Variants in CCDC93 observed in about 807,000 individuals in gnomAD.
CCDC93 encodes CCC complex scaffolding subunit CCDC93.
A neutral mutation model predicts 108.2 loss-of-function variants in CCDC93; 61 were observed. The ratio of observed to expected loss-of-function variants is 0.56; its 90% CI spans 0.46 to 0.70. CCDC93 has a LOEUF of 0.70. CCDC93 is among the 30% of genes least tolerant of loss of function. The pLI, the probability that CCDC93 is intolerant of heterozygous loss-of-function variation, is 0.00. For missense variants in CCDC93, 685 were observed against 764.2 expected (o/e 0.90, Z 1.22); for synonymous variants, 276 against 260.4 (o/e 1.06, Z -0.58).
Position 117,945,104 on chromosome 2 carries a change from C to T in CCDC93, c.1350+425G>A, listed in dbSNP as rs1008361686. On this transcript the variant is annotated intron_variant, in intron 17 of 23. Coordinates refer to ENST00000376300, the MANE Select transcript of CCDC93 (RefSeq NM_019044.5). ...ACTACAGCAGAGCTGGCTCACAAAG[C>T]CAAAAAGAGTTACTATGTGCACCTT... Among the ~76,000 whole-genome samples, 20 of 152,278 alleles carry T rather than the reference C, an allele frequency of 1.3e-4. No individual in the cohort carries two copies. In the South Asian group the frequency reaches 1.5e-3, roughly 11 times the overall value.
rs114719023 is a variant in CCDC93, at chr2:117,971,961, T to C, written c.888+1947A>G. On this transcript the variant is annotated intron_variant, in intron 11 of 23. Coordinates refer to ENST00000376300, the MANE Select transcript of CCDC93 (RefSeq NM_019044.5). ...AATGTTTGACACCTCCGCTTCTCCATTGGAAGTTTAACTACAGTCATCTCT... is the reference window on the plus strand; with the variant it reads ...AATGTTTGACACCTCCGCTTCTCCACTGGAAGTTTAACTACAGTCATCTCT... Among the ~76,000 whole-genome samples, 556 of 152,332 alleles carry C rather than the reference T, an allele frequency of 3.6e-3. 5 individuals carry two copies. The highest frequency in any genetic ancestry group is 0.012 in the African/African-American group (497 of 41,566).
chr2:117,922,893 C>T (rs1407900940), intron 23 of CCDC93, among the ~76,000 whole-genome samples: 1 of 151,962 alleles, frequency 6.6e-6, no homozygotes, highest in East Asian at 1.9e-4. Flanking sequence ...CTATCGTCAC[C>T]TCCTCCTCAA....
chr2:117,964,291 A>C (rs1679485934), intron 11 of CCDC93, among the ~76,000 whole-genome samples: 1 of 152,194 alleles, frequency 6.6e-6, no homozygotes, highest in African/African-American at 2.4e-5. Context: ...GCTAATTCGT[A>C]AGTAAAGGTG....
At chr2:117,936,892 T>G (rs573990901) in intron 20 of CCDC93, 153 bp from the exon 21 acceptor site, 1 of 645,408 alleles carries the variant, frequency 1.5e-6, no homozygotes, top group African/African-American at 1.8e-5. Flanking sequence ...GAAAAAAAAA[T>G]TAGCCACATG....
intron 11 of CCDC93, among the ~76,000 whole-genome samples, chr2:117,966,782 A>AG (rs1489011300): frequency 6.6e-6 from 1 of 152,236 alleles, no homozygotes; most frequent in Non-Finnish European, 1.5e-5. Context: ...TTCAAGATAG[A>AG]GCAAAGGCTT....
chr2:117,941,037 A>G (rs1242825934), intron 19 of CCDC93, 152 bp downstream of exon 19: 5 of 618,692 alleles, frequency 8.1e-6, no homozygotes, highest in African/African-American at 7.4e-5. Context: ...TGCTCCCGGG[A>G]CTGCCAAGTG....
chr2:117,930,930 T>G, intron 23 of CCDC93, 107 bp downstream of exon 23: 1 of 671,454 alleles, frequency 1.5e-6, no homozygotes, highest in East Asian at 2.6e-5. Context: ...GTTATTTCCC[T>G]TCACAGACCA....
At chr2:117,977,919 T>C (rs1377826705) in intron 8 of CCDC93, 75 bp downstream of exon 8, 3 of 1,371,918 alleles carry the variant, frequency 2.2e-6, no homozygotes, top group African/African-American at 2.9e-5. Context: ...GCCCGGCTTG[T>C]GAGTGTTAGT....
intron 3 of CCDC93, among the ~76,000 whole-genome samples, chr2:118,006,174 C>A (rs1676862175): frequency 6.6e-6 from 1 of 152,186 alleles, no homozygotes; most frequent in Non-Finnish European, 1.5e-5. Flanking sequence ...CAGAATCACA[C>A]ATATCTGAGG....
intron 6 of CCDC93, among the ~76,000 whole-genome samples, chr2:117,986,784 T>C (rs1158751989): frequency 3.3e-5 from 5 of 152,072 alleles, no homozygotes; most frequent in Admixed American, 3.3e-4. Context: ...ATGCTAAAGG[T>C]TGTTCTTAGA....
chr2:118,000,743 G>A (rs1680820132), intron 4 of CCDC93, 78 bp downstream of exon 4: 2 of 871,430 alleles, frequency 2.3e-6, no homozygotes, highest in Non-Finnish European at 3.8e-6. Flanking sequence ...AGGACAGACG[G>A]ACCCATTACA....
At chr2:117,982,333 T>C (rs1057254664) in intron 7 of CCDC93, among the ~76,000 whole-genome samples, 2 of 152,148 alleles carry the variant, frequency 1.3e-5, no homozygotes, top group Non-Finnish European at 2.9e-5. Flanking sequence ...CAAAATTGAC[T>C]GAACCCATAA....
At chr2:117,952,922 T>C (rs756770908) in intron 12 of CCDC93, among the ~76,000 whole-genome samples, 1 of 152,194 alleles carries the variant, frequency 6.6e-6, no homozygotes, top group Non-Finnish European at 1.5e-5. Flanking sequence ...ACATAGAAGA[T>C]AGGATTCAGG....
intron 22 of CCDC93, 63 bp downstream of exon 22, chr2:117,935,432 C>T (rs1358646165): frequency 3.9e-6 from 5 of 1,292,160 alleles, no homozygotes; most frequent in Non-Finnish European, 5.6e-6. Context: ...CCTTTTCTTC[C>T]CAGGACCTTC....
chr2:118,000,674 C>G (rs117465611), intron 4 of CCDC93, 147 bp downstream of exon 4: 1 of 584,174 alleles, frequency 1.7e-6, no homozygotes, highest in Non-Finnish European at 3.1e-6. Context: ...ATGACGACAA[C>G]GAACACCACC....
At chr2:117,937,455 C>G (rs1351638880) in intron 20 of CCDC93, among the ~76,000 whole-genome samples, 1 of 152,142 alleles carries the variant, frequency 6.6e-6, no homozygotes, top group African/African-American at 2.4e-5. Flanking sequence ...TATTTCTTGT[C>G]CTTAGTACTC....
Position 117,921,416 on chromosome 2 carries a change from C to T in CCDC93, c.1843-1020G>A, listed in dbSNP as rs113332183. On this transcript the variant is annotated intron_variant, in intron 23 of 23. Coordinates refer to ENST00000376300, the MANE Select transcript of CCDC93 (RefSeq NM_019044.5). ...CACTGGCCTTAGTAGCTCATGATAC[C>T]TCCATCTGCTAGCAAACCTCCAATA... Among the ~76,000 whole-genome samples, 35 of 152,176 alleles carry T rather than the reference C, an allele frequency of 2.3e-4. 1 individual carries two copies. Among genetic ancestry groups the T allele is most frequent in the Non-Finnish European group, 4.7e-4 (32 of 68,006 alleles).
At chr2:117,974,722 T>C in intron 10 of CCDC93, 128 bp downstream of exon 10, 1 of 678,162 alleles carries the variant, frequency 1.5e-6, no homozygotes, top group South Asian at 1.8e-5. Context: ...AGGAACTCCC[T>C]GGGGAAGAGG....
At chr2:117,965,634 C>G (rs1026154884) in intron 11 of CCDC93, among the ~76,000 whole-genome samples, 3 of 152,142 alleles carry the variant, frequency 2.0e-5, no homozygotes, top group Non-Finnish European at 2.9e-5. Context: ...CCTAGTAGCA[C>G]CCGGCAGCCA....
Sources: allele counts gnomAD v4.1 joint callset (sites outside exome capture counted in the v4.1 genomes callset), GRCh38; gene constraint gnomAD v4.1.1; transcripts MANE v1.5; gene names NCBI Gene and HGNC (gene_info 2026-07-23, HGNC 2026-07-21).